The following EMSY variants were observed in gnomAD, a reference collection of about 807,000 sequenced individuals.
The protein encoded by EMSY is EMSY transcriptional repressor, BRCA2 interacting.
In EMSY, 26 loss-of-function variants were observed where a neutral mutation model predicts 134.6. The observed-to-expected ratio is 0.19, with a 90% CI of 0.14 to 0.27. The LOEUF is 0.27. Among genes scored for constraint, EMSY ranks in the 10% least tolerant of loss-of-function variants. The pLI, the probability that EMSY is intolerant of heterozygous loss-of-function variation, is 1.00. For missense variants in EMSY, 1,305 were observed against 1,611.4 expected (o/e 0.81, Z 3.26); for synonymous variants, 579 against 577.8 (o/e 1.00, Z -0.03).
At chr11:76,530,706 G>A (rs527890309) in intron 14 of EMSY, among the ~76,000 whole-genome samples, 2 of 152,026 alleles carry the variant, frequency 1.3e-5, no homozygotes, top group South Asian at 2.1e-4. Context: ...TCCCCTTATC[G>A]CCTTGTATAG....
At chr11:76,506,790 A>G (rs1001573411) in intron 9 of EMSY, among the ~76,000 whole-genome samples, 3 of 152,244 alleles carry the variant, frequency 2.0e-5, no homozygotes, top group African/African-American at 7.2e-5. Flanking sequence ...AATCCCGATA[A>G]GATGAAAACT....
At chr11:76,499,422 G>C (rs965625433) in intron 9 of EMSY, among the ~76,000 whole-genome samples, 1 of 151,070 alleles carries the variant, frequency 6.6e-6, no homozygotes, top group African/African-American at 2.4e-5. Flanking sequence ...CAAGTAGATG[G>C]GACTACAGGC....
At chr11:76,544,751 T>C in exon 19 of EMSY, 1 of 1,614,100 alleles carries the variant, frequency 6.2e-7, no homozygotes, top group Non-Finnish European at 8.5e-7. Context: ...ACCAAAAATC[T>C]ACGTGCAACC....
At chr11:76,483,221 C>T (rs1328461723) in intron 8 of EMSY, among the ~76,000 whole-genome samples, 1 of 152,098 alleles carries the variant, frequency 6.6e-6, no homozygotes, top group Non-Finnish European at 1.5e-5. Context: ...TTTGTCACCA[C>T]CAGGCCTGCC....
rs375891595 is a variant in EMSY at position 76,458,165 on chromosome 11, G to A, written c.246-18G>A. ...AGTGATTGAAAACCCTTGTAGCAGC[G>A]CTTTCTTTTTTGTTTAGTATGTCTG... is the stretch of plus-strand genomic sequence containing the variant. On this transcript the variant is annotated intron_variant, in intron 4 of 20. Coordinates refer to ENST00000334736, the Ensembl canonical transcript of EMSY. 4.4e-6 allele frequency: 7 copies of A among 1,584,970 alleles called. No homozygotes were observed. Among genetic ancestry groups the A allele is most frequent in the Non-Finnish European group, 6.0e-6 (7 of 1,167,176 alleles).
intron 2 of EMSY, among the ~76,000 whole-genome samples, chr11:76,451,017 G>A (rs554782919): frequency 1.3e-4 from 19 of 151,852 alleles, no homozygotes; most frequent in Non-Finnish European, 2.5e-4. Context: ...GACTGGTCTC[G>A]AACTCTTGGA....
intron 9 of EMSY, among the ~76,000 whole-genome samples, chr11:76,505,022 A>G (rs1249403051): frequency 6.6e-6 from 1 of 152,190 alleles, no homozygotes; most frequent in Non-Finnish European, 1.5e-5. Context: ...AATGGGTGCA[A>G]GGAGTAGTAG....
chr11:76,499,110 C>T (rs1949757341), intron 9 of EMSY, among the ~76,000 whole-genome samples: 1 of 151,616 alleles, frequency 6.6e-6, no homozygotes, highest in Non-Finnish European at 1.5e-5. Context: ...TACAGGTGCA[C>T]ACTACCACGC....
intron 8 of EMSY, among the ~76,000 whole-genome samples, chr11:76,488,530 T>G (rs1050193193): frequency 6.6e-6 from 1 of 151,960 alleles, no homozygotes; most frequent in East Asian, 1.9e-4. Context: ...TGCTATTTTT[T>G]TTTTGTTTTT....
intron 6 of EMSY, chr11:76,461,080 G>C (rs1033198434): frequency 2.6e-5 from 4 of 152,138 alleles, no homozygotes; most frequent in Non-Finnish European, 5.9e-5. Context: ...ATCTTATGCT[G>C]CTTCAACTCA....
intron 9 of EMSY, among the ~76,000 whole-genome samples, chr11:76,508,507 G>A (rs1236049499): frequency 6.6e-6 from 1 of 152,110 alleles, no homozygotes; most frequent in African/African-American, 2.4e-5. Context: ...TTTTGCGAAT[G>A]GTAAATGAAC....
chr11:76,459,324 A>G (rs1231775645), intron 5 of EMSY: 1 of 152,336 alleles, frequency 6.6e-6, no homozygotes, highest in East Asian at 1.9e-4. Flanking sequence ...TATGGAAAGG[A>G]TTTAGTGTGT....
chr11:76,539,022 G>C (rs1821430918), intron 16 of EMSY, among the ~76,000 whole-genome samples: 1 of 152,138 alleles, frequency 6.6e-6, no homozygotes, highest in Admixed American at 6.6e-5. Flanking sequence ...AGTTCTGGTG[G>C]AAAGCAGATT....
intron 9 of EMSY, among the ~76,000 whole-genome samples, chr11:76,500,076 C>CAAA (rs66518169): frequency 3.0e-4 from 37 of 124,284 alleles, no homozygotes; most frequent in African/African-American, 1.0e-3. Context: ...GAGCCTATCT[C>CAAA]AAAAAAAAAA....
At chr11:76,522,023 T>TA (rs763837548) in intron 11 of EMSY, among the ~76,000 whole-genome samples, 20 of 151,738 alleles carry the variant, frequency 1.3e-4, no homozygotes, top group Admixed American at 5.3e-4. Context: ...GACCTTGCCT[T>TA]AAAAAAAATA....
chr11:76,514,726 T>C (rs1950388344), intron 10 of EMSY, among the ~76,000 whole-genome samples: 1 of 152,194 alleles, frequency 6.6e-6, no homozygotes, highest in Admixed American at 6.5e-5. Context: ...TGAAACTCTG[T>C]GTTCATTCAA....
At chr11:76,497,929 C>G (rs984980269) in intron 9 of EMSY, among the ~76,000 whole-genome samples, 2 of 152,084 alleles carry the variant, frequency 1.3e-5, no homozygotes, top group African/African-American at 2.4e-5. Flanking sequence ...GACATACTCT[C>G]TTTTCTAATT....
Position 76,513,538 on chromosome 11 carries a change from A to G in EMSY, c.1513+3A>G. The G allele has an allele frequency of 6.2e-7, 1 of 1,612,744 alleles. No homozygotes were observed. The highest frequency in any genetic ancestry group is 8.5e-7 in the Non-Finnish European group (1 of 1,179,166). ...TAAACTGGTAACCACTCCTACTGGT[A>G]AGTTCTCTTGAGCATCAGTTCATTT... is the stretch of plus-strand genomic sequence containing the variant. On this transcript the variant is annotated splice_donor_region_variant and intron_variant, in intron 10 of 20. Transcript: ENST00000334736.
downstream of EMSY, chr11:76,552,592 C>T (rs1951862287): frequency 6.6e-6 from 1 of 151,982 alleles, no homozygotes; most frequent in Admixed American, 6.6e-5. Context: ...TAATAAGTGC[C>T]TAGTATTGCA....
Sources: allele counts gnomAD v4.1 joint callset (sites outside exome capture counted in the v4.1 genomes callset), GRCh38; gene constraint gnomAD v4.1.1; transcripts MANE v1.5; gene names NCBI Gene and HGNC (gene_info 2026-07-23, HGNC 2026-07-21).